F13A1: variants seen among roughly 807,000 people sequenced by gnomAD.
F13A1 encodes FSF, A subunit.
F13A1 carries 47 observed loss-of-function variants against 80.1 expected under a neutral mutation model. The ratio of observed to expected loss-of-function variants is 0.59; its 90% CI spans 0.46 to 0.75. F13A1 has a LOEUF of 0.75. F13A1 is among the 30% of genes least tolerant of loss of function. The probability of loss-of-function intolerance (pLI) is 0.00; values close to 1 mark genes in which losing one functional copy is unlikely to be tolerated. For synonymous variants in F13A1, 349 were observed against 344.9 expected, an observed-to-expected ratio of 1.01 and a Z score of -0.13; for missense variants, 817 against 930.4, an observed-to-expected ratio of 0.88 and a Z score of 1.59.
chr6:6,206,614 G>A lies in F13A1; in HGVS notation c.1113-9288C>T, dbSNP rs367638960. The A allele has an allele frequency of 1.1e-3, 577 of 506,034 alleles. 3 individuals are homozygous for A. Among genetic ancestry groups the A allele is most frequent in the Middle Eastern group, 6.1e-3 (19 of 3,122 alleles). The allele number at this position is 506,034 out of a possible 1,614,324, so 31.3% of individuals were successfully genotyped here. A position where few individuals can be genotyped will look rare whatever the true frequency, so the allele number is the denominator to read the frequency against. ...GAATGGATGGGTACCTGAGAGGAAC[G>A]GGAGGAGAGTGTAGGGCAGTGATTT... is the stretch of plus-strand genomic sequence containing the variant. On this transcript the variant is annotated intron_variant, in intron 8 of 14. Transcript: ENST00000264870.
intron 3 of F13A1, among the ~76,000 whole-genome samples, chr6:6,267,612 A>G (rs1757863461): frequency 6.6e-6 from 1 of 152,224 alleles, no homozygotes; most frequent in Non-Finnish European, 1.5e-5. Flanking sequence ...TAATTCATTT[A>G]TTACAGTGGT....
In F13A1 at chr6:6,224,798, G is replaced by A. The variant is rs761512684; in HGVS notation, c.861C>T (p.Gly287=). The A allele has an allele frequency of 1.1e-5, 17 of 1,613,934 alleles. No individual in the cohort carries two copies. The highest frequency in any genetic ancestry group is 2.2e-5 in the East Asian group (1 of 44,898). The change falls in exon 7 of 15, where the codon GGC becomes GGT. Residue 287 remains glycine (G), a synonymous_variant. Coordinates refer to ENST00000264870, the MANE Select transcript of F13A1 (RefSeq NM_000129.4). ...VGSWDNIYAY[G]VPPSAWTGSV... is the part of the protein sequence containing the mutation. Reference sequence around the variant, plus strand: ...TTCCAGTCCAGGCCGATGGGGGGACGCCATAGGCATAGATATTGTCCCAGG... The same window carrying A: ...TTCCAGTCCAGGCCGATGGGGGGACACCATAGGCATAGATATTGTCCCAGG...
intron 2 of F13A1, among the ~76,000 whole-genome samples, chr6:6,317,831 A>T (rs1453492148): frequency 6.6e-6 from 1 of 152,222 alleles, no homozygotes; most frequent in Admixed American, 6.5e-5. Flanking sequence ...CATGAGTCTG[A>T]ATGTCCCTGC....
At chr6:6,156,738 A>G (rs1339026193) in intron 13 of F13A1, among the ~76,000 whole-genome samples, 1 of 152,200 alleles carries the variant, frequency 6.6e-6, no homozygotes, top group Non-Finnish European at 1.5e-5. Context: ...TATTTTTCCA[A>G]TATAGTAGCC....
At chr6:6,165,330 A>C (rs1760648583) in intron 13 of F13A1, among the ~76,000 whole-genome samples, 1 of 152,230 alleles carries the variant, frequency 6.6e-6, no homozygotes, top group African/African-American at 2.4e-5. Flanking sequence ...ACTGCTCTTT[A>C]AGTAAACCCA....
At chr6:6,172,271 GAATTGTCTATTTGC>G (rs150432399) in intron 12 of F13A1, among the ~76,000 whole-genome samples, 34,764 of 151,892 alleles carry the variant, frequency 0.23, 4,124 homozygotes, top group South Asian at 0.34. Context: ...CTTACATCCA[GAATTGTCTATTTGC>G]AAAACTCTCT....
intron 13 of F13A1, among the ~76,000 whole-genome samples, chr6:6,154,132 G>A (rs1006172869): frequency 5.7e-5 from 6 of 104,394 alleles, no homozygotes; most frequent in South Asian, 4.0e-4. Context: ...AAACTGTTTC[G>A]TACTGACGTC....
At chr6:6,241,475 GTAT>G (rs1474925625) in intron 6 of F13A1, among the ~76,000 whole-genome samples, 1 of 152,048 alleles carries the variant, frequency 6.6e-6, no homozygotes, top group African/African-American at 2.4e-5. Flanking sequence ...GGGTAACAAG[GTAT>G]TATTACATAA....
At chr6:6,228,234 C>A (rs527557493) in intron 6 of F13A1, among the ~76,000 whole-genome samples, 2 of 152,076 alleles carry the variant, frequency 1.3e-5, no homozygotes, top group African/African-American at 4.8e-5. Flanking sequence ...ATAATACCTA[C>A]AAAATTAGAA....
At chr6:6,236,938 A>G (rs1757421489) in intron 6 of F13A1, among the ~76,000 whole-genome samples, 1 of 152,104 alleles carries the variant, frequency 6.6e-6, no homozygotes, top group Non-Finnish European at 1.5e-5. Flanking sequence ...TGGTGACCAG[A>G]CTTAATCACA....
rs1464682298 is a variant in F13A1, at chr6:6,151,942, C to T, written c.1916G>A (p.Gly639Asp). 1.2e-6 allele frequency: 2 copies of T among 1,613,954 alleles called. No homozygotes were observed. Among genetic ancestry groups the T allele is most frequent in the Non-Finnish European group, 1.7e-6 (2 of 1,179,928 alleles). ...TIPEIIIKVRGTQVVGSDMTV... is the reference protein window; with the variant it reads ...TIPEIIIKVRDTQVVGSDMTV... ...CATGTCAGAACCAACTACCTGAGTG[C>T]CACGGACCTAAGAGAGAGAATGCAG... Residue 639 changes from glycine (G) to aspartate (D), a missense_variant, in exon 14 of 15, where the codon GGC (glycine) becomes GAC (aspartate). Coordinates refer to ENST00000264870, the MANE Select transcript of F13A1 (RefSeq NM_000129.4).
intron 2 of F13A1, among the ~76,000 whole-genome samples, chr6:6,316,228 T>C (rs1354155250): frequency 6.8e-6 from 1 of 147,360 alleles, no homozygotes; most frequent in East Asian, 2.0e-4. Flanking sequence ...GTAACACTTA[T>C]CTTGTCTGTG....
intron 8 of F13A1, among the ~76,000 whole-genome samples, chr6:6,217,455 A>G (rs950960441): frequency 1.5e-4 from 22 of 147,340 alleles, no homozygotes; most frequent in African/African-American, 5.5e-4. Flanking sequence ...GCATATTCTC[A>G]CTCATAGGTG....
At chr6:6,319,331 T>G (rs1464457718) in intron 1 of F13A1, among the ~76,000 whole-genome samples, 1 of 151,894 alleles carries the variant, frequency 6.6e-6, no homozygotes, top group Non-Finnish European at 1.5e-5. Context: ...GGTGAGGAGG[T>G]AGGAACTGCT....
chr6:6,150,217 G>A (rs548009585), intron 14 of F13A1, among the ~76,000 whole-genome samples: 4 of 152,156 alleles, frequency 2.6e-5, no homozygotes, highest in South Asian at 4.1e-4. Flanking sequence ...GAGGAAACGT[G>A]TTTCACTTTG....
intron 10 of F13A1, among the ~76,000 whole-genome samples, chr6:6,191,962 G>T (rs371167910): frequency 7.2e-5 from 11 of 152,356 alleles, no homozygotes; most frequent in African/African-American, 2.4e-4. Flanking sequence ...GTGAGCGAAG[G>T]CCTCTTTGAA....
chr6:6,308,075 G>A (rs1031563911), intron 2 of F13A1, among the ~76,000 whole-genome samples: 4 of 151,762 alleles, frequency 2.6e-5, no homozygotes, highest in East Asian at 3.9e-4. Flanking sequence ...GTGCAGTGGC[G>A]CGATCTCGGC....
intron 3 of F13A1, among the ~76,000 whole-genome samples, chr6:6,276,125 T>C (rs1757985104): frequency 6.6e-6 from 1 of 152,238 alleles, no homozygotes; most frequent in Non-Finnish European, 1.5e-5. Context: ...ATTGACAGAC[T>C]GGCTGTTCTC....
intron 4 of F13A1, among the ~76,000 whole-genome samples, chr6:6,254,782 T>C (rs189133545): frequency 1.2e-4 from 18 of 152,310 alleles, no homozygotes; most frequent in Admixed American, 3.3e-4. Context: ...GAAAATACTT[T>C]AAATGGATGA....
Sources: gnomAD v4.1 joint callset for allele counts (sites outside exome capture counted in the v4.1 genomes callset) on GRCh38, gnomAD v4.1.1 for gene constraint, MANE v1.5 for transcripts, NCBI Gene and HGNC (gene_info 2026-07-23, HGNC 2026-07-21) for gene names.